The following TENM3 variants were observed in gnomAD, a reference collection of about 807,000 sequenced individuals.
The protein encoded by TENM3 is teneurin transmembrane protein 3.
A neutral mutation model predicts 255.1 loss-of-function variants in TENM3; 63 were observed. The observed-to-expected ratio is 0.25, with a 90% confidence interval of 0.20 to 0.30. The LOEUF (loss-of-function observed/expected upper bound fraction) is 0.30, where lower values mean the gene tolerates loss of function less well. TENM3 is among the 10% of genes least tolerant of loss of function. The pLI is 1.00. For synonymous variants in TENM3, 1,306 were observed against 1,322.3 expected, an observed-to-expected ratio of 0.99 and a Z score of 0.27; for missense variants, 2,929 against 3,461.1, an observed-to-expected ratio of 0.85 and a Z score of 3.86.
At chr4:182,502,072 C>CTTGTAGTTAAG (rs1736371551) in intron 3 of TENM3, among the ~76,000 whole-genome samples, 1 of 152,246 alleles carries the variant, frequency 6.6e-6, no homozygotes, top group African/African-American at 2.4e-5. Flanking sequence ...TGGAAACTCA[C>CTTGTAGTTAAG]TTGTCTGAAA....
At chr4:182,553,495 G>C (rs557312885) in intron 3 of TENM3, among the ~76,000 whole-genome samples, 1 of 151,372 alleles carries the variant, frequency 6.6e-6, no homozygotes, top group African/African-American at 2.4e-5. Context: ...AAATCTGCAC[G>C]TTGTGCACAT....
chr4:181,712,495 C>G, the TENM3 span, among the ~76,000 whole-genome samples: 1 of 152,136 alleles, frequency 6.6e-6, no homozygotes, highest in African/African-American at 2.4e-5. Flanking sequence ...ATAGCCGATG[C>G]CAGTATCATG....
At chr4:182,456,654 G>A (rs764936331) in intron 3 of TENM3, among the ~76,000 whole-genome samples, 2 of 152,216 alleles carry the variant, frequency 1.3e-5, no homozygotes, top group Non-Finnish European at 2.9e-5. Context: ...CATATCTAAT[G>A]CAACTCTCTT....
At chr4:181,489,464 G>A in the TENM3 span, among the ~76,000 whole-genome samples, 3 of 152,080 alleles carry the variant, frequency 2.0e-5, no homozygotes, top group Admixed American at 6.6e-5. Context: ...TAATCAATGC[G>A]GGTTCTTTAC....
At chr4:181,984,753 T>C in the TENM3 span, among the ~76,000 whole-genome samples, 1 of 151,256 alleles carries the variant, frequency 6.6e-6, no homozygotes, top group Admixed American at 6.6e-5. Context: ...CAAAATCTCA[T>C]CGGCTTTTTA....
the TENM3 span, among the ~76,000 whole-genome samples, chr4:181,586,851 A>AAAACAAAC: frequency 1.3e-5 from 2 of 151,804 alleles, no homozygotes; most frequent in Non-Finnish European, 2.9e-5. Context: ...AAAACAAAAC[A>AAAACAAAC]AAACAAACAA....
At chr4:182,762,720 A>G (rs533795846) in intron 22 of TENM3, among the ~76,000 whole-genome samples, 1 of 152,288 alleles carries the variant, frequency 6.6e-6, no homozygotes, top group East Asian at 1.9e-4. Flanking sequence ...TGAGGCTGCA[A>G]ATGCAGAACC....
chr4:182,402,445 C>T (rs915435383), intron 3 of TENM3, among the ~76,000 whole-genome samples: 5 of 152,164 alleles, frequency 3.3e-5, no homozygotes, highest in Non-Finnish European at 5.9e-5. Flanking sequence ...AAACACTGTG[C>T]TTTCCCACTG....
intron 2 of TENM3, among the ~76,000 whole-genome samples, chr4:182,337,616 G>A (rs1764226565): frequency 6.6e-6 from 1 of 152,112 alleles, no homozygotes; most frequent in East Asian, 1.9e-4. Context: ...AAACTGTTGG[G>A]CAATTTCTTA....
At chr4:182,403,358 C>T (rs1215976208) in intron 3 of TENM3, among the ~76,000 whole-genome samples, 1 of 152,168 alleles carries the variant, frequency 6.6e-6, no homozygotes, top group African/African-American at 2.4e-5. Flanking sequence ...AAAGATTGTG[C>T]ATCTGTTTTA....
intron 5 of TENM3, among the ~76,000 whole-genome samples, chr4:182,651,391 C>A (rs574834084): frequency 6.6e-6 from 1 of 151,904 alleles, no homozygotes. Context: ...TATCTTAATC[C>A]GTGAAAATCA....
chr4:181,576,677 G>C, the TENM3 span, among the ~76,000 whole-genome samples: 1 of 152,058 alleles, frequency 6.6e-6, no homozygotes, highest in African/African-American at 2.4e-5. Context: ...GTAAGGGAAA[G>C]TCACCCACAG....
At chr4:182,725,423 G>T (rs1340669776) in intron 13 of TENM3, among the ~76,000 whole-genome samples, 2 of 151,914 alleles carry the variant, frequency 1.3e-5, no homozygotes, top group Non-Finnish European at 2.9e-5. Flanking sequence ...CTATTTCTTT[G>T]AGAGAGAGGG....
intron 1 of TENM3, among the ~76,000 whole-genome samples, chr4:182,263,225 C>T (rs1397734667): frequency 6.6e-6 from 1 of 151,970 alleles, no homozygotes; most frequent in African/African-American, 2.4e-5. Context: ...ACCCCCGACC[C>T]AAAGGAAATA....
At chr4:182,222,582 T>C (rs1445492557) in intron 1 of TENM3, among the ~76,000 whole-genome samples, 1 of 152,200 alleles carries the variant, frequency 6.6e-6, no homozygotes, top group Non-Finnish European at 1.5e-5. Flanking sequence ...CCTTGGTTAG[T>C]AGTTTATCGT....
At chr4:182,251,010 A>C (rs1757975850) in intron 1 of TENM3, among the ~76,000 whole-genome samples, 1 of 152,220 alleles carries the variant, frequency 6.6e-6, no homozygotes, top group South Asian at 2.1e-4. Flanking sequence ...AGATTTGCCC[A>C]GAGACAAGAG....
At chr4:182,479,488 A>C (rs1733987765) in intron 3 of TENM3, among the ~76,000 whole-genome samples, 1 of 151,992 alleles carries the variant, frequency 6.6e-6, no homozygotes, top group Non-Finnish European at 1.5e-5. Flanking sequence ...TAAATTGGAA[A>C]GTGTAGCATC....
chr4:181,460,678 C>CTTTT, the TENM3 span, among the ~76,000 whole-genome samples: 6,224 of 136,778 alleles, frequency 0.046, 398 homozygotes, highest in East Asian at 0.22. Flanking sequence ...AGCTATAGTT[C>CTTTT]TTTTTTTTTT....
the TENM3 span, among the ~76,000 whole-genome samples, chr4:182,122,987 G>C: frequency 6.6e-6 from 1 of 152,170 alleles, no homozygotes; most frequent in South Asian, 2.1e-4. Flanking sequence ...CTATGTCATG[G>C]AAGTGGCTTC....
Sources: allele counts gnomAD v4.1 joint callset (sites outside exome capture counted in the v4.1 genomes callset), GRCh38; gene constraint gnomAD v4.1.1; transcripts MANE v1.5; gene names NCBI Gene and HGNC (gene_info 2026-07-23, HGNC 2026-07-21).